Variants in SYN3 observed in about 807,000 individuals in gnomAD.
The protein encoded by SYN3 is synapsin III, also known as synapsin-3.
In SYN3, 35 loss-of-function variants were observed where a neutral mutation model predicts 65.8. The ratio of observed to expected loss-of-function variants is 0.53; its 90% CI spans 0.41 to 0.70. SYN3 has a LOEUF of 0.70. Ranked by LOEUF, SYN3 falls within the 30% of genes least tolerant of loss-of-function variation. The pLI is 0.00. For missense variants in SYN3, 680 were observed against 749.0 expected (o/e 0.91, Z 1.08); for synonymous variants, 270 against 292.9 (o/e 0.92, Z 0.80).
intron 6 of SYN3, among the ~76,000 whole-genome samples, chr22:32,691,843 C>T (rs922754746): frequency 1.3e-5 from 2 of 152,050 alleles, no homozygotes; most frequent in African/African-American, 2.4e-5. Flanking sequence ...GTCTAGAAGA[C>T]ACCTGTAGGC....
At chr22:32,903,555 G>T (rs2049822051) in intron 4 of SYN3, among the ~76,000 whole-genome samples, 1 of 152,122 alleles carries the variant, frequency 6.6e-6, no homozygotes, top group Non-Finnish European at 1.5e-5. Context: ...AGCTCTCCAG[G>T]CCACAAGCCA....
chr22:32,556,819 TTTTTTTTTTTTTTTTTG>T (rs2058507939), intron 7 of SYN3, among the ~76,000 whole-genome samples: 4 of 133,978 alleles, frequency 3.0e-5, no homozygotes, highest in Admixed American at 7.3e-5. Flanking sequence ...TTTTTTTTTT[TTTTTTTTTTTTTTTTTG>T]TGTGTAGAGA....
At chr22:32,794,150 T>A (rs968279696) in intron 6 of SYN3, among the ~76,000 whole-genome samples, 4 of 152,224 alleles carry the variant, frequency 2.6e-5, no homozygotes, top group Admixed American at 6.5e-5. Context: ...TTTGCTTCCA[T>A]GAAAAGGAGA....
At chr22:32,551,093 C>G (rs2058407148) in intron 7 of SYN3, among the ~76,000 whole-genome samples, 1 of 152,164 alleles carries the variant, frequency 6.6e-6, no homozygotes, top group Non-Finnish European at 1.5e-5. Context: ...GAAATATTCT[C>G]TTTGATGTTT....
At position 32,508,865 on chromosome 22, in the gene SYN3, G is replaced by T. The variant is rs1043290968; in HGVS notation, c.*4827C>A. ...ATGCACAAGATACCTGCACTAGCTT[G>T]CCAGATGAGAACTTCCAGAAGGCAG... On this transcript the variant is annotated 3_prime_UTR_variant, in exon 14 of 14. Transcript: ENST00000358763. 3.3e-5 allele frequency among the ~76,000 whole-genome samples: 5 copies of T among 152,176 alleles called. No individual in the cohort carries two copies. Among genetic ancestry groups the T allele is most frequent in the African/African-American group, 9.7e-5 (4 of 41,438 alleles).
intron 7 of SYN3, among the ~76,000 whole-genome samples, chr22:32,565,481 A>G (rs1171718714): frequency 1.3e-5 from 2 of 150,512 alleles, no homozygotes; most frequent in Non-Finnish European, 3.0e-5. Context: ...ATATACATAT[A>G]TAAAAAATAT....
chr22:32,559,517 G>T (rs540636670), intron 7 of SYN3, among the ~76,000 whole-genome samples: 4 of 152,272 alleles, frequency 2.6e-5, no homozygotes, highest in Admixed American at 2.0e-4. Context: ...ACCAGAGAAA[G>T]GCAGTCTCCT....
intron 1 of SYN3, among the ~76,000 whole-genome samples, chr22:33,051,910 G>A (rs2054172849): frequency 6.6e-6 from 1 of 152,152 alleles, no homozygotes; most frequent in Admixed American, 6.5e-5. Context: ...ATTCCCAAAA[G>A]AAAGCGTGTA....
chr22:32,687,752 T>TC (rs11404326), intron 6 of SYN3, among the ~76,000 whole-genome samples: 152,306 of 152,306 alleles, frequency 1, 76,153 homozygotes, highest in Non-Finnish European at 1. Context: ...AAGGACTTTG[T>TC]CATGCCTCCC....
chr22:32,829,394 T>G (rs950816015), intron 6 of SYN3, among the ~76,000 whole-genome samples: 2 of 152,208 alleles, frequency 1.3e-5, no homozygotes, highest in African/African-American at 4.8e-5. Flanking sequence ...TGGCTCCCAG[T>G]TGGCACTTCA....
chr22:32,703,140 TAG>T (rs1491549823), intron 6 of SYN3, among the ~76,000 whole-genome samples: 3 of 152,186 alleles, frequency 2.0e-5, no homozygotes, highest in African/African-American at 7.2e-5. Flanking sequence ...AAGTTATCAC[TAG>T]ACTATTTAAT....
intron 2 of SYN3, among the ~76,000 whole-genome samples, chr22:32,999,692 AAAACAAAACAAAACAAAAAC>A (rs1274155267): frequency 5.3e-5 from 3 of 56,530 alleles, no homozygotes; most frequent in Non-Finnish European, 9.5e-5. Flanking sequence ...CTAAAAAACA[AAAACAAAACAAAACAAAAAC>A]AAACAATAAA....
At chr22:32,664,669 C>T (rs1365495570) in intron 6 of SYN3, among the ~76,000 whole-genome samples, 1 of 145,230 alleles carries the variant, frequency 6.9e-6, no homozygotes, top group East Asian at 2.0e-4. Flanking sequence ...CGGCTCACTG[C>T]AAGCTCCGCC....
In SYN3 at chr22:32,513,887, TG is replaced by T. The variant is rs529616127; in HGVS notation, c.1611-64del. ...CGAAGACTATCAAAGAAATGGGTCTTGGGGGCTTGCCTGTAAGCCAGATGGG... is the reference window on the plus strand; with the variant it reads ...CGAAGACTATCAAAGAAATGGGTCTTGGGGCTTGCCTGTAAGCCAGATGGG... On this transcript the variant is annotated intron_variant, in intron 13 of 13. Transcript: ENST00000358763. The T allele has an allele frequency of 5.1e-5, 82 of 1,601,136 alleles. No homozygotes were observed. In the African/African-American group the frequency reaches 1.0e-3, roughly 20 times the overall value.
intron 6 of SYN3, among the ~76,000 whole-genome samples, chr22:32,750,406 C>T (rs771853314): frequency 2.2e-4 from 33 of 152,058 alleles, no homozygotes; most frequent in African/African-American, 6.5e-4. Context: ...TGTGTTCAGA[C>T]GACAGCCAGG....
At chr22:32,787,213 A>C (rs1220715958) in intron 6 of SYN3, among the ~76,000 whole-genome samples, 1 of 151,676 alleles carries the variant, frequency 6.6e-6, no homozygotes, top group Non-Finnish European at 1.5e-5. Context: ...ACACCCGGCT[A>C]ATTTTTGTAT....
chr22:32,918,173 A>G (rs1163980982), intron 4 of SYN3, among the ~76,000 whole-genome samples: 1 of 152,226 alleles, frequency 6.6e-6, no homozygotes, highest in Admixed American at 6.5e-5. Flanking sequence ...GCTGGTCATG[A>G]ATGCCTTCAG....
At chr22:33,002,338 G>A (rs1291407535) in intron 2 of SYN3, among the ~76,000 whole-genome samples, 1 of 152,142 alleles carries the variant, frequency 6.6e-6, no homozygotes, top group African/African-American at 2.4e-5. Flanking sequence ...TTTACATAGA[G>A]TATGCATTAA....
chr22:32,570,671 T>G (rs746787430), intron 7 of SYN3, among the ~76,000 whole-genome samples: 2 of 152,052 alleles, frequency 1.3e-5, no homozygotes, highest in African/African-American at 2.4e-5. Context: ...AGAATCTCAG[T>G]GTGAAGGGAC....
Sources: allele counts gnomAD v4.1 joint callset (sites outside exome capture counted in the v4.1 genomes callset), GRCh38; gene constraint gnomAD v4.1.1; transcripts MANE v1.5; gene names NCBI Gene and HGNC (gene_info 2026-07-23, HGNC 2026-07-21).